KPNA7: variants seen among roughly 807,000 people sequenced by gnomAD.
KPNA7 encodes importin subunit alpha-8.
Under a neutral mutation model 53.7 loss-of-function variants are expected in KPNA7, and 54 were observed. The ratio of observed to expected loss-of-function variants is 1.01; its 90% confidence interval spans 0.81 to 1.26. The LOEUF (loss-of-function observed/expected upper bound fraction) is 1.26, where lower values mean the gene tolerates loss of function less well. Ranked by LOEUF, KPNA7 falls within the 50% of genes most tolerant of loss-of-function variation. The pLI, the probability that KPNA7 is intolerant of heterozygous loss-of-function variation, is 0.00. For synonymous variants in KPNA7, 276 were observed against 259.3 expected, an observed-to-expected ratio of 1.06 and a Z score of -0.62; for missense variants, 640 against 644.5, an observed-to-expected ratio of 0.99 and a Z score of 0.07.
chr7:99,197,174 A>T (rs76923358), intron 3 of KPNA7, among the ~76,000 whole-genome samples: 11,404 of 152,230 alleles, frequency 0.075, 508 homozygotes, highest in East Asian at 0.17. Flanking sequence ...CCCAACACAG[A>T]GCTTCTTGGC....
At chr7:99,146,711 T>TAA in the KPNA7 span, among the ~76,000 whole-genome samples, 2 of 70,402 alleles carry the variant, frequency 2.8e-5, no homozygotes, top group African/African-American at 1.2e-4. Flanking sequence ...GACTGTGTCT[T>TAA]AAAAAAAAAA....
chr7:99,190,532 GA>G (rs2150739775), intron 6 of KPNA7, among the ~76,000 whole-genome samples: 1 of 152,230 alleles, frequency 6.6e-6, no homozygotes, highest in South Asian at 2.1e-4. Context: ...GTCAGGGGTT[GA>G]AAACTTTTTC....
rs371485396 is a variant in KPNA7 at position 99,184,962 on chromosome 7, G to A, written c.1101C>T (p.Asp367=). Residue 367 remains aspartate (D), a synonymous_variant, in exon 8 of 11, where the codon GAC becomes GAT. Coordinates refer to ENST00000327442, the MANE Select transcript of KPNA7 (RefSeq NM_001145715.3). The part of the protein sequence containing the change: ...CHHIQQLLAY[D]VLPPLVALLK... Reference sequence around the variant, plus strand: ...GCAGAGCCACCAAGGGAGGCAAGACGTCGTAGGCAAGCAGCTGCTGGATGT... The same window carrying A: ...GCAGAGCCACCAAGGGAGGCAAGACATCGTAGGCAAGCAGCTGCTGGATGT... The A allele has an allele frequency of 1.2e-4, 186 of 1,551,986 alleles. 1 individual carries two copies. The highest frequency in any genetic ancestry group is 1.4e-4 in the Non-Finnish European group (160 of 1,147,106).
At chr7:99,216,902 T>C (rs533641105) in intron 1 of KPNA7, among the ~76,000 whole-genome samples, 1 of 152,304 alleles carries the variant, frequency 6.6e-6, no homozygotes, top group African/African-American at 2.4e-5. Context: ...GGGACCATTA[T>C]GGACTTCCAG....
chr7:99,149,920 G>A, the KPNA7 span, among the ~76,000 whole-genome samples: 136 of 152,064 alleles, frequency 8.9e-4, 2 homozygotes, highest in Middle Eastern at 0.017. Flanking sequence ...TCAGCCTCCC[G>A]AGTAGCTCAG....
rs541112774 is a variant in KPNA7 at position 99,175,095 on chromosome 7, G to A, written c.1465-1301C>T. 6.2e-4 allele frequency among the ~76,000 whole-genome samples: 95 copies of A among 152,192 alleles called. 1 individual carries two copies. The highest frequency in any genetic ancestry group is 1.2e-3 in the Admixed American group (18 of 15,278). On this transcript the variant is annotated intron_variant, in intron 10 of 10. Coordinates refer to ENST00000327442, the MANE Select transcript of KPNA7 (RefSeq NM_001145715.3). ...CCCAAAGTGCTGGGATTACAGGTGTGAGCCACTGCACCCAGCTGAGCTTCT... is the reference window on the plus strand; with the variant it reads ...CCCAAAGTGCTGGGATTACAGGTGTAAGCCACTGCACCCAGCTGAGCTTCT...
chr7:99,165,279 G>A, the KPNA7 span, among the ~76,000 whole-genome samples: 6 of 149,900 alleles, frequency 4.0e-5, no homozygotes, highest in South Asian at 4.2e-4. Flanking sequence ...CAGCTTGGGC[G>A]ACAGAGCGAG....
intron 2 of KPNA7, among the ~76,000 whole-genome samples, 196 bp from the exon 3 acceptor site, chr7:99,203,436 ATAATTTGATCTTCCCTC>A (rs1295858448): frequency 6.6e-6 from 1 of 152,158 alleles, no homozygotes; most frequent in Non-Finnish European, 1.5e-5. Context: ...CTTCTAGAAA[ATAATTTGATCTTCCCTC>A]CAAAATAAAG....
rs1377711460 is a variant in KPNA7 at position 99,188,308 on chromosome 7, T to C, written c.892A>G (p.Asn298Asp). The C allele has an allele frequency of 1.3e-6, 2 of 1,550,490 alleles. No individual in the cohort carries two copies. The highest frequency in any genetic ancestry group is 2.0e-5 in the Admixed American group (1 of 50,876). The change falls in exon 7 of 11, where the codon AAT (asparagine) becomes GAT (aspartate). Residue 298 changes from asparagine (N) to aspartate (D), a missense_variant. By Grantham distance (23) the Asn-to-Asp change is conservative. Coordinates refer to ENST00000327442, the MANE Select transcript of KPNA7 (RefSeq NM_001145715.3). The stretch of plus-strand genomic sequence containing the variant: ...CCCAGGATTGCATTTACCAAGACAT[T>C]GAGTTCTGAGCTGGTCATGAGCACT... ...LVVLMTSSEL[N>D]VLTPSLRTVG...
At chr7:99,215,708 C>G (rs1370658564) in intron 1 of KPNA7, among the ~76,000 whole-genome samples, 1 of 152,020 alleles carries the variant, frequency 6.6e-6, no homozygotes, top group Non-Finnish European at 1.5e-5. Context: ...GTGTTGACAG[C>G]CAGGCAGAGG....
At chr7:99,190,838 G>A (rs563311599) in intron 6 of KPNA7, among the ~76,000 whole-genome samples, 1 of 151,830 alleles carries the variant, frequency 6.6e-6, no homozygotes, top group South Asian at 2.1e-4. Flanking sequence ...CAAAGCAAGC[G>A]GCCAGCCAGG....
downstream of KPNA7, among the ~76,000 whole-genome samples, chr7:99,169,955 T>A (rs1305704084): frequency 6.6e-6 from 1 of 151,418 alleles, no homozygotes; most frequent in Non-Finnish European, 1.5e-5. Context: ...GCAGGAGAAG[T>A]CACTTGAACC....
chr7:99,160,901 C>T, the KPNA7 span, among the ~76,000 whole-genome samples: 1 of 151,794 alleles, frequency 6.6e-6, no homozygotes, highest in Non-Finnish European at 1.5e-5. Flanking sequence ...GAGTCTTTCT[C>T]TGTCACCCAG....
the KPNA7 span, among the ~76,000 whole-genome samples, chr7:99,146,711 T>TA: frequency 9.9e-5 from 7 of 70,446 alleles, no homozygotes; most frequent in African/African-American, 4.0e-4. Context: ...GACTGTGTCT[T>TA]AAAAAAAAAA....
downstream of KPNA7, among the ~76,000 whole-genome samples, chr7:99,172,892 G>A (rs1798795062): frequency 6.6e-6 from 1 of 151,830 alleles, no homozygotes; most frequent in Non-Finnish European, 1.5e-5. Flanking sequence ...GTGAAACCCT[G>A]TCTCTACCAA....
Position 99,185,101 on chromosome 7 carries a change from G to C in KPNA7, c.962C>G (p.Ala321Gly), listed in dbSNP as rs1322873677. ...CACGTTCAGCATACCCGCATCAATG[G>C]CCATCTGCGTCTGCTCATCTGTGCC... Reference protein sequence around the residue: ...VTGTDEQTQMAIDAGMLNVLP... With the variant: ...VTGTDEQTQMGIDAGMLNVLP... The change falls in exon 8 of 11, where the codon GCC becomes GGC. Residue 321 changes from alanine to glycine, a missense_variant. By Grantham distance (60) the Ala-to-Gly change is moderately conservative (BLOSUM62 0). Transcript: ENST00000327442. The C allele has an allele frequency of 6.4e-7, 1 of 1,551,942 alleles. No individual in the cohort carries two copies. Among genetic ancestry groups the C allele is most frequent in the Non-Finnish European group, 8.7e-7 (1 of 1,147,062 alleles).
Position 99,185,105 on chromosome 7 carries a change from T to C in KPNA7, c.958A>G (p.Met320Val), listed in dbSNP as rs1789512037. The C allele has an allele frequency of 6.4e-7, 1 of 1,551,896 alleles. No homozygotes were observed. The highest frequency in any genetic ancestry group is 8.7e-7 in the Non-Finnish European group (1 of 1,147,078). The change falls in exon 8 of 11, where the codon ATG becomes GTG. Residue 320 changes from methionine to valine, a missense_variant. Coordinates refer to ENST00000327442, the MANE Select transcript of KPNA7 (RefSeq NM_001145715.3). ...IVTGTDEQTQMAIDAGMLNVL... is the reference protein window; with the variant it reads ...IVTGTDEQTQVAIDAGMLNVL... ...TTCAGCATACCCGCATCAATGGCCA[T>C]CTGCGTCTGCTCATCTGTGCCCGTG...
In KPNA7 at chr7:99,188,441, C is replaced by G. The variant is rs756231509; in HGVS notation, c.759G>C (p.Gln253His). Residue 253 changes from glutamine (Q) to histidine (H), a missense_variant, in exon 7 of 11, where the codon CAG becomes CAC. By Grantham distance (24) the Gln-to-His change is conservative. Transcript: ENST00000327442. Reference sequence around the variant, plus strand: ...AGGCATCCGAGAGAACCTCACTGTCCTGGTGCTGCAGGAGGTGAAGGAGGG... The same window carrying G: ...AGGCATCCGAGAGAACCTCACTGTCGTGGTGCTGCAGGAGGTGAAGGAGGG... The part of the protein sequence containing the change: ...LPALLHLLQH[Q>H]DSEVLSDACW... 1 of 1,551,658 alleles carries G rather than the reference C, an allele frequency of 6.4e-7. No homozygotes were observed. The highest frequency in any genetic ancestry group is 2.0e-5 in the Admixed American group (1 of 50,956).
downstream of KPNA7, among the ~76,000 whole-genome samples, chr7:99,170,308 A>G (rs577913589): frequency 6.6e-6 from 1 of 152,178 alleles, no homozygotes. Context: ...ATGAAGAAGG[A>G]GGCTTGAAAA....
Sources: allele counts gnomAD v4.1 joint callset (sites outside exome capture counted in the v4.1 genomes callset), GRCh38; gene constraint gnomAD v4.1.1; transcripts MANE v1.5; gene names NCBI Gene and HGNC (gene_info 2026-07-23, HGNC 2026-07-21).